NALCN: variants seen among roughly 807,000 people sequenced by gnomAD.
NALCN encodes the protein sodium leak channel, non-selective.
Under a neutral mutation model 225.3 loss-of-function variants are expected in NALCN, and 111 were observed. That is an observed-to-expected ratio of 0.49 (90% CI 0.42 to 0.58). The LOEUF is 0.58. Among genes scored for constraint, NALCN ranks in the 20% least tolerant of loss-of-function variants. NALCN has a pLI of 0.00. For synonymous variants in NALCN, 764 were observed against 769.0 expected (o/e 0.99, Z 0.11); for missense variants, 1,378 against 2,202.4 (o/e 0.63, Z 7.49).
intron 27 of NALCN, among the ~76,000 whole-genome samples, chr13:101,096,595 A>G (rs2034517638): frequency 6.6e-6 from 1 of 152,210 alleles, no homozygotes; most frequent in East Asian, 1.9e-4. Flanking sequence ...GTAATAGTTA[A>G]GAGACATAGG....
rs115073646 is a variant in NALCN, at chr13:101,251,223, G to C, written c.1266+7220C>G. 6.6e-3 allele frequency among the ~76,000 whole-genome samples: 1,008 copies of C among 152,198 alleles called. 10 individuals carry two copies. The highest frequency in any genetic ancestry group is 0.023 in the African/African-American group (953 of 41,566). On this transcript the variant is annotated intron_variant, in intron 11 of 43. Transcript: ENST00000251127. Reference sequence around the variant, plus strand: ...GAAGTATTGTTTTCAACAGCAAAAAGTTGGAAGCAATTGAAATACCCATTG... The same window carrying C: ...GAAGTATTGTTTTCAACAGCAAAAACTTGGAAGCAATTGAAATACCCATTG...
At chr13:101,064,109 C>A (rs147860753) in intron 40 of NALCN, among the ~76,000 whole-genome samples, 1 of 152,246 alleles carries the variant, frequency 6.6e-6, no homozygotes, top group Non-Finnish European at 1.5e-5. Flanking sequence ...AACTCAGAAG[C>A]ACTGGTGAGC....
rs371854880 is a variant in NALCN, at chr13:101,265,133, G to T, written c.1135-6559C>A. Among the ~76,000 whole-genome samples the T allele has an allele frequency of 7.4e-3, 1,122 of 152,246 alleles. 10 individuals carry two copies. Among genetic ancestry groups the T allele is most frequent in the South Asian group, 0.027 (131 of 4,820 alleles). On this transcript the variant is annotated intron_variant, in intron 10 of 43. Coordinates refer to ENST00000251127, the MANE Select transcript of NALCN (RefSeq NM_052867.4). ...TAAGTCACTGAATTTGTGGTTATTT[G>T]TTACAGCAGCAACAGGAAACTAACA...
chr13:101,060,449 ATTTTTT>A (rs55697849), intron 41 of NALCN, among the ~76,000 whole-genome samples: 80 of 93,710 alleles, frequency 8.5e-4, no homozygotes, highest in African/African-American at 3.1e-3. Context: ...TGGCTAATTA[ATTTTTT>A]TTTTTTTTTT....
intron 34 of NALCN, among the ~76,000 whole-genome samples, chr13:101,078,563 T>C (rs2033416524): frequency 6.6e-6 from 1 of 152,236 alleles, no homozygotes; most frequent in Admixed American, 6.5e-5. Flanking sequence ...CCCTTTGTTT[T>C]GGCCAATTTC....
At chr13:101,206,756 C>CA (rs537989528) in intron 13 of NALCN, among the ~76,000 whole-genome samples, 84 of 149,436 alleles carry the variant, frequency 5.6e-4, no homozygotes, top group Middle Eastern at 3.6e-3. Context: ...ACACATATAA[C>CA]AAAAAATGTA....
intron 28 of NALCN, among the ~76,000 whole-genome samples, chr13:101,090,466 C>A (rs2034174384): frequency 6.6e-6 from 1 of 152,172 alleles, no homozygotes; most frequent in South Asian, 2.1e-4. Flanking sequence ...AATTTAGTCA[C>A]TTTATTTCAC....
chr13:101,296,363 G>T (rs181168591), intron 7 of NALCN, among the ~76,000 whole-genome samples: 346 of 152,206 alleles, frequency 2.3e-3, no homozygotes, highest in Non-Finnish European at 3.1e-3. Context: ...TATTAATACT[G>T]CACAGATAAT....
Position 101,124,573 on chromosome 13 carries a change from G to A in NALCN, c.2192+35C>T, listed in dbSNP as rs781778400. 5 of 1,548,706 alleles carry A rather than the reference G, an allele frequency of 3.2e-6. No homozygotes were observed. In the South Asian group the frequency reaches 3.4e-5, roughly 11 times the overall value. On this transcript the variant is annotated intron_variant, in intron 18 of 43. Transcript: ENST00000251127. ...TTTTTCGATTAATATAATCCCACTT[G>A]TGTTTAAATATGTGTCAACATTAAT...
At chr13:101,061,944 C>T (rs1468832114) in intron 41 of NALCN, 24 bp downstream of exon 41, 2 of 1,601,722 alleles carry the variant, frequency 1.2e-6, no homozygotes, top group Middle Eastern at 1.8e-4. Context: ...GGGGACCCAA[C>T]CTGCATGTGT....
chr13:101,260,925 G>A (rs2042403645), intron 10 of NALCN, among the ~76,000 whole-genome samples: 1 of 152,078 alleles, frequency 6.6e-6, no homozygotes, highest in Non-Finnish European at 1.5e-5. Context: ...GCTTATGGGG[G>A]TATTGCTCAT....
chr13:101,258,488 T>C lies in NALCN; in HGVS notation c.1221A>G (p.Lys407=). 1 of 1,614,170 alleles carries C rather than the reference T, an allele frequency of 6.2e-7. No individual in the cohort carries two copies. The highest frequency in any genetic ancestry group is 1.3e-5 in the African/African-American group (1 of 75,048). Residue 407 remains lysine, a synonymous_variant, in exon 11 of 44, where the codon AAA becomes AAG. Coordinates refer to ENST00000251127, the MANE Select transcript of NALCN (RefSeq NM_052867.4). The part of the protein sequence containing the change: ...DVIVAASNYY[K]GENFRRQYDE... ...CGTACTGCCTCCTGAAGTTTTCTCC[T>C]TTGTAGTAGTTGCTAGCCGCCACGA...
At position 101,292,401 on chromosome 13, in the gene NALCN, C is replaced by A; in HGVS notation, c.800-35G>T. ...CAGAGGAGGACAGACTGAGTCACAGCTGACTTTTGAAATAAGAAAGCATTT... is the reference window on the plus strand; with the variant it reads ...CAGAGGAGGACAGACTGAGTCACAGATGACTTTTGAAATAAGAAAGCATTT... On this transcript the variant is annotated intron_variant, in intron 7 of 43. Coordinates refer to ENST00000251127, the MANE Select transcript of NALCN (RefSeq NM_052867.4). The surrounding 1 kb of genome is among the most constrained non-coding windows in gnomAD (Gnocchi z 4.3). The A allele has an allele frequency of 1.3e-6, 2 of 1,561,684 alleles. No homozygotes were observed. Among genetic ancestry groups the A allele is most frequent in the Non-Finnish European group, 1.7e-6 (2 of 1,152,790 alleles).
At position 101,059,748 on chromosome 13, in the gene NALCN, T is replaced by TTTA; in HGVS notation, c.4905+67_4905+69dup. 7 of 1,427,848 alleles carry TTTA rather than the reference T, an allele frequency of 4.9e-6. No homozygotes were observed. The South Asian group carries it at 8.8e-5, about 18-fold the overall frequency. 88.4% of individuals were successfully genotyped at this position (1,427,848 alleles called of 1,614,324 possible). On this transcript the variant is annotated intron_variant, in intron 42 of 43. Transcript: ENST00000251127. ...TTTGAATGATCTGACCAGCACCCAT[T>TTTA]TTATTTATTTTTATTAAAAGAAAGA...
At chr13:101,147,201 T>C (rs2037389872) in intron 15 of NALCN, among the ~76,000 whole-genome samples, 1 of 152,212 alleles carries the variant, frequency 6.6e-6, no homozygotes, top group African/African-American at 2.4e-5. Context: ...CCCTGGCCAA[T>C]GCACCACTGG....
At chr13:101,187,469 A>C (rs7981101) in intron 14 of NALCN, among the ~76,000 whole-genome samples, 21,029 of 152,170 alleles carry the variant, frequency 0.14, 2,110 homozygotes, top group African/African-American at 0.28. Flanking sequence ...GGAAGACAAA[A>C]TACTGCCTAA....
At chr13:101,210,650 A>C (rs1247187594) in intron 13 of NALCN, among the ~76,000 whole-genome samples, 1 of 152,182 alleles carries the variant, frequency 6.6e-6, no homozygotes, top group Non-Finnish European at 1.5e-5. Flanking sequence ...CTGAGTGCCC[A>C]CCATTCCATT....
chr13:101,384,788 T>C lies in NALCN; in HGVS notation c.292-6135A>G, dbSNP rs75603937. Among the ~76,000 whole-genome samples, 971 of 152,180 alleles carry C rather than the reference T, an allele frequency of 6.4e-3. 12 individuals carry two copies. The highest frequency in any genetic ancestry group is 0.022 in the African/African-American group (923 of 41,510). ...GTGAAAATGCTTCCAGCAAGAGGAA[T>C]TAGGGAGGCAATTAGAAGAAAGCTG... On this transcript the variant is annotated intron_variant, in intron 3 of 43. Transcript: ENST00000251127.
chr13:101,391,175 G>T (rs1239728472), intron 3 of NALCN, among the ~76,000 whole-genome samples: 1 of 150,522 alleles, frequency 6.6e-6, no homozygotes, highest in African/African-American at 2.4e-5. Context: ...AAACAAAATG[G>T]AACAAACAAA....
Sources: gnomAD v4.1 joint callset for allele counts (sites outside exome capture counted in the v4.1 genomes callset) on GRCh38, gnomAD v4.1.1 for gene constraint, Gnocchi (gnomAD v3.1) non-coding constraint, MANE v1.5 for transcripts, NCBI Gene and HGNC (gene_info 2026-07-23, HGNC 2026-07-21) for gene names.